Variants in SLC39A9 observed in about 807,000 individuals in gnomAD.
SLC39A9 encodes zinc transporter ZIP9.
SLC39A9 carries 14 observed loss-of-function variants against 28.4 expected under a neutral mutation model. That is an observed-to-expected ratio of 0.49 (90% confidence interval 0.33 to 0.77). SLC39A9 has a LOEUF of 0.77. SLC39A9 is among the 30% of genes least tolerant of loss of function. The pLI is 0.02. For synonymous variants in SLC39A9, 119 were observed against 149.6 expected (o/e 0.80, Z 1.49); for missense variants, 283 against 381.1 (o/e 0.74, Z 2.14).
chr14:69,428,489 A>G (rs988964910), intron 2 of SLC39A9: 3 of 152,616 alleles, frequency 2.0e-5, no homozygotes, highest in African/African-American at 7.2e-5. Flanking sequence ...CCAACCCCAT[A>G]GCCCTCTAAA....
chr14:69,447,337 G>A (rs1292801096), intron 3 of SLC39A9, among the ~76,000 whole-genome samples: 1 of 152,146 alleles, frequency 6.6e-6, no homozygotes, highest in Non-Finnish European at 1.5e-5. Context: ...AATTCTGGAA[G>A]GGAGTCAACA....
At chr14:69,439,748 A>G (rs1209831925) in intron 2 of SLC39A9, among the ~76,000 whole-genome samples, 1 of 152,102 alleles carries the variant, frequency 6.6e-6, no homozygotes, top group Non-Finnish European at 1.5e-5. Context: ...TAACAAGAGA[A>G]CTGGTTGTTT....
At chr14:69,423,435 A>T (rs1884007622) in intron 1 of SLC39A9, among the ~76,000 whole-genome samples, 1 of 152,150 alleles carries the variant, frequency 6.6e-6, no homozygotes. Context: ...CTAGAAGTAA[A>T]ATTTCTGGAT....
intron 3 of SLC39A9, among the ~76,000 whole-genome samples, chr14:69,445,733 G>C (rs1351889816): frequency 6.6e-6 from 1 of 152,206 alleles, no homozygotes; most frequent in Non-Finnish European, 1.5e-5. Flanking sequence ...GAGGAGTTGA[G>C]AGGGCAAAAG....
Position 69,399,343 on chromosome 14 carries a change from G to C in SLC39A9, c.-27G>C. 2 of 1,603,486 alleles carry C rather than the reference G, an allele frequency of 1.2e-6. No individual in the cohort carries two copies. Among genetic ancestry groups the C allele is most frequent in the Non-Finnish European group, 1.7e-6 (2 of 1,171,318 alleles). ...AGCCACTGGAAATTTGTTGTCTAGT[G>C]GTTGTGGGTGAATAAAGGAGGGCAG... On this transcript the variant is annotated 5_prime_UTR_variant, in exon 1 of 7. Coordinates refer to ENST00000336643, the MANE Select transcript of SLC39A9 (RefSeq NM_018375.5).
At chr14:69,437,561 G>A (rs554667596) in intron 2 of SLC39A9, among the ~76,000 whole-genome samples, 1 of 151,452 alleles carries the variant, frequency 6.6e-6, no homozygotes, top group South Asian at 2.1e-4. Context: ...AATGTAAAAT[G>A]TTAATACCTC....
intron 1 of SLC39A9, among the ~76,000 whole-genome samples, chr14:69,418,919 G>T (rs35828634): frequency 6.6e-6 from 1 of 151,864 alleles, no homozygotes; most frequent in Non-Finnish European, 1.5e-5. Flanking sequence ...TCTTGCTAGC[G>T]GTCTATCAAT....
Position 69,460,955 on chromosome 14 carries a change from G to T in SLC39A9, c.*2362G>T. On this transcript the variant is annotated 3_prime_UTR_variant, in exon 7 of 7. Transcript: ENST00000336643. ...CGTGGCACAGGCCTTCTTGACTGGA[G>T]GAAGAGCTTGCTGGCATGGTGGGCA... 4 of 985,634 alleles carry T rather than the reference G, an allele frequency of 4.1e-6. No homozygotes were observed. In the South Asian group the frequency reaches 1.9e-4, roughly 46 times the overall value. 61.1% of individuals were successfully genotyped at this position (985,634 alleles called of 1,614,324 possible).
intron 1 of SLC39A9, among the ~76,000 whole-genome samples, chr14:69,412,156 G>A (rs903769751): frequency 4.0e-5 from 6 of 151,532 alleles, no homozygotes; most frequent in African/African-American, 9.7e-5. Flanking sequence ...TTGGGAGGCC[G>A]AGGCGGGTGG....
intron 3 of SLC39A9, among the ~76,000 whole-genome samples, chr14:69,446,599 G>A (rs901070644): frequency 2.0e-5 from 3 of 152,008 alleles, no homozygotes; most frequent in African/African-American, 4.8e-5. Context: ...CTGGCTGGGC[G>A]CGGTGGCTCA....
At chr14:69,454,048 G>A (rs1407632331) in intron 4 of SLC39A9, among the ~76,000 whole-genome samples, 1 of 152,204 alleles carries the variant, frequency 6.6e-6, no homozygotes, top group African/African-American at 2.4e-5. Context: ...GCAGTGGAAT[G>A]CAGAGATCTT....
chr14:69,420,126 T>A (rs958687928), intron 1 of SLC39A9, among the ~76,000 whole-genome samples: 3 of 152,234 alleles, frequency 2.0e-5, no homozygotes, highest in Non-Finnish European at 4.4e-5. Flanking sequence ...GTTTTTGCAG[T>A]GGCTGGTACT....
intron 6 of SLC39A9, 93 bp downstream of exon 6, chr14:69,455,959 C>T (rs1885837427): frequency 7.0e-7 from 1 of 1,430,384 alleles, no homozygotes; most frequent in Non-Finnish European, 9.5e-7. Flanking sequence ...ATACATTACT[C>T]TCTCAAACTA....
intron 1 of SLC39A9, among the ~76,000 whole-genome samples, chr14:69,418,326 T>C (rs1403906517): frequency 6.6e-6 from 1 of 152,126 alleles, no homozygotes. Flanking sequence ...AACTTGGTCT[T>C]GGTGGATAAG....
rs140322164 is a variant in SLC39A9 at position 69,447,790 on chromosome 14, G to A, written c.404-5451G>A. 6.3e-4 allele frequency among the ~76,000 whole-genome samples: 95 copies of A among 151,944 alleles called. 1 individual carries two copies. The highest frequency in any genetic ancestry group is 2.2e-3 in the African/African-American group (90 of 41,442). On this transcript the variant is annotated intron_variant, in intron 3 of 6. Coordinates refer to ENST00000336643, the MANE Select transcript of SLC39A9 (RefSeq NM_018375.5). ...TAGCTGGTCGTGGTGACCTGCGCTTGTACTCCCAGCTACTTAGGAGACTGA... is the reference window on the plus strand; with the variant it reads ...TAGCTGGTCGTGGTGACCTGCGCTTATACTCCCAGCTACTTAGGAGACTGA...
At position 69,455,396 on chromosome 14, in the gene SLC39A9, G is replaced by A. The variant is rs144814941; in HGVS notation, c.559-336G>A. Among the ~76,000 whole-genome samples the A allele has an allele frequency of 1.7e-4, 25 of 151,380 alleles. No individual in the cohort carries two copies. In the East Asian group the frequency reaches 4.7e-3, roughly 28 times the overall value. On this transcript the variant is annotated intron_variant, in intron 5 of 6. Transcript: ENST00000336643. ...GGCTGGAGTGCAATGGTGTGATCTC[G>A]GCTCACTGCAACCTCCGCCTCCTGG...
At chr14:69,407,336 C>CTTCCTTTCTTCT (rs1882991571) in intron 1 of SLC39A9, among the ~76,000 whole-genome samples, 18 of 139,746 alleles carry the variant, frequency 1.3e-4, no homozygotes, top group African/African-American at 4.4e-4. Context: ...TCCTTTCTTC[C>CTTCCTTTCTTCT]TTCCTTTCTT....
chr14:69,425,805 G>A lies in SLC39A9; in HGVS notation c.205+1603G>A, dbSNP rs1470055220. On this transcript the variant is annotated intron_variant, in intron 2 of 6. Transcript: ENST00000336643. ...CCTGAGTAGCTGGGACTATAGTATA[G>A]ATGCACACTGCTATGCCTGACTAAT... is the stretch of plus-strand genomic sequence containing the variant. Among the ~76,000 whole-genome samples the A allele has an allele frequency of 2.0e-5, 3 of 151,952 alleles. No homozygotes were observed. In the East Asian group the frequency reaches 5.8e-4, roughly 29 times the overall value.
chr14:69,414,633 T>G (rs1165922550), intron 1 of SLC39A9, among the ~76,000 whole-genome samples: 4 of 152,234 alleles, frequency 2.6e-5, no homozygotes. Context: ...GTTAATTTTT[T>G]TATAAATAGA....
Sources: allele counts gnomAD v4.1 joint callset (sites outside exome capture counted in the v4.1 genomes callset), GRCh38; gene constraint gnomAD v4.1.1; transcripts MANE v1.5; gene names NCBI Gene and HGNC (gene_info 2026-07-23, HGNC 2026-07-21).